The following ANKRD30BL variants were observed in gnomAD, a reference collection of about 807,000 sequenced individuals.
The protein encoded by ANKRD30BL is putative ankyrin repeat domain-containing protein 30B-like.
Under a neutral mutation model 18.4 loss-of-function variants are expected in ANKRD30BL, and 20 were observed. The ratio of observed to expected loss-of-function variants is 1.09; its 90% CI spans 0.77 to 1.58. The LOEUF (loss-of-function observed/expected upper bound fraction) is 1.58, where lower values mean the gene tolerates loss of function less well. ANKRD30BL is among the 40% of genes most tolerant of loss of function. The probability of loss-of-function intolerance (pLI) is 0.00; values close to 1 mark genes in which losing one functional copy is unlikely to be tolerated. For synonymous variants in ANKRD30BL, 72 were observed against 100.9 expected, an observed-to-expected ratio of 0.71 and a Z score of 1.72; for missense variants, 224 against 268.6, an observed-to-expected ratio of 0.83 and a Z score of 1.16.
intron 1 of ANKRD30BL, among the ~76,000 whole-genome samples, chr2:132,170,903 G>T (rs950818208): frequency 5.9e-5 from 9 of 152,112 alleles, no homozygotes; most frequent in African/African-American, 1.9e-4. Flanking sequence ...ACGCCTGTAA[G>T]CCCAGCACTT....
chr2:132,176,729 T>A, intron 1 of ANKRD30BL, among the ~76,000 whole-genome samples: 1 of 152,218 alleles, frequency 6.6e-6, no homozygotes, highest in East Asian at 1.9e-4. Context: ...AGACTGGGGT[T>A]GCAGTGAGTC....
chr2:132,257,290 G>C (rs1358323246), intron 1 of ANKRD30BL, among the ~76,000 whole-genome samples: 3 of 152,288 alleles, frequency 2.0e-5, no homozygotes, highest in East Asian at 3.9e-4. Context: ...GTCGGCACCG[G>C]TCGCTGCTCT....
At chr2:132,255,924 G>C (rs1336541928) in intron 1 of ANKRD30BL, among the ~76,000 whole-genome samples, 3 of 152,056 alleles carry the variant, frequency 2.0e-5, no homozygotes, top group Non-Finnish European at 2.9e-5. Context: ...GGCGGCACCC[G>C]ACCCCCCGGC....
intron 1 of ANKRD30BL, among the ~76,000 whole-genome samples, chr2:132,170,923 G>C (rs908388245): frequency 8.5e-5 from 13 of 152,262 alleles, no homozygotes; most frequent in African/African-American, 2.6e-4. Flanking sequence ...TTGGGAGGCC[G>C]AGGCGGGCGG....
intron 1 of ANKRD30BL, among the ~76,000 whole-genome samples, chr2:132,232,770 T>C (rs1680058862): frequency 6.6e-6 from 1 of 152,126 alleles, no homozygotes; most frequent in Non-Finnish European, 1.5e-5. Context: ...TGCAGGATAT[T>C]ACCCAGGAGA....
intron 1 of ANKRD30BL, among the ~76,000 whole-genome samples, chr2:132,246,095 A>G (rs1317905357): frequency 6.7e-6 from 1 of 150,068 alleles, no homozygotes; most frequent in Non-Finnish European, 1.5e-5. Context: ...ATATTTGGAT[A>G]GATTGACGCT....
At chr2:132,173,567 G>C (rs1051423615) in intron 1 of ANKRD30BL, among the ~76,000 whole-genome samples, 1 of 152,056 alleles carries the variant, frequency 6.6e-6, no homozygotes, top group Non-Finnish European at 1.5e-5. Context: ...AAAGTGCTGG[G>C]ATTACAGGTG....
At chr2:132,200,360 G>C (rs1480239662) in intron 1 of ANKRD30BL, among the ~76,000 whole-genome samples, 2 of 152,090 alleles carry the variant, frequency 1.3e-5, no homozygotes, top group Non-Finnish European at 1.5e-5. Flanking sequence ...AATTGTCCCT[G>C]TTTGCAGATG....
intron 1 of ANKRD30BL, among the ~76,000 whole-genome samples, chr2:132,252,121 G>A (rs895208201): frequency 6.9e-6 from 1 of 145,944 alleles, no homozygotes; most frequent in African/African-American, 2.8e-5. Context: ...TATTAAAACT[G>A]TATTTTTTTT....
chr2:132,203,151 T>C (rs2104749353), intron 1 of ANKRD30BL, among the ~76,000 whole-genome samples: 1 of 152,424 alleles, frequency 6.6e-6, no homozygotes, highest in East Asian at 1.9e-4. Flanking sequence ...GAGGAAAATA[T>C]GTTCTAGACC....
intron 1 of ANKRD30BL, among the ~76,000 whole-genome samples, chr2:132,195,228 T>C (rs116296640): frequency 0.011 from 1,700 of 152,320 alleles, 35 homozygotes; most frequent in African/African-American, 0.038. Context: ...GCACATTTTA[T>C]GGAATATACA....
At chr2:132,194,052 C>G (rs1034412929) in intron 1 of ANKRD30BL, among the ~76,000 whole-genome samples, 4 of 109,586 alleles carry the variant, frequency 3.7e-5, no homozygotes, top group Non-Finnish European at 6.9e-5. Flanking sequence ...CTCTCTCTCT[C>G]TCTCACACAC....
At chr2:132,241,573 C>G (rs1174891038) in intron 1 of ANKRD30BL, among the ~76,000 whole-genome samples, 1 of 151,620 alleles carries the variant, frequency 6.6e-6, no homozygotes, top group Non-Finnish European at 1.5e-5. Context: ...GTGTACTGAA[C>G]TCACCCAGTT....
chr2:132,191,534 A>T (rs537950433), intron 1 of ANKRD30BL, among the ~76,000 whole-genome samples: 3,204 of 152,140 alleles, frequency 0.021, 104 homozygotes, highest in African/African-American at 0.073. Flanking sequence ...GTCCTCTCAA[A>T]CATTCAGAAT....
chr2:132,244,591 C>A (rs138167660), intron 1 of ANKRD30BL, among the ~76,000 whole-genome samples: 330 of 151,402 alleles, frequency 2.2e-3, no homozygotes, highest in Middle Eastern at 3.4e-3. Context: ...AAATATCTTC[C>A]CATAATAACT....
intron 1 of ANKRD30BL, among the ~76,000 whole-genome samples, chr2:132,251,414 C>G (rs1235437343): frequency 6.6e-6 from 1 of 152,120 alleles, no homozygotes; most frequent in Non-Finnish European, 1.5e-5. Flanking sequence ...AGATGCAGAA[C>G]TGTAGCCTCA....
rs569882996 is a variant in ANKRD30BL at position 132,251,536 on chromosome 2, A to C, written n.441+5993T>G. ...CCATCTTTACAATTTTATTTCAATA[A>C]TTTATATAAATGTAATTATACAACA... On this transcript the variant is annotated intron_variant and non_coding_transcript_variant, in intron 1 of 4. Coordinates refer to the ANKRD30BL transcript ENST00000470729. Among the ~76,000 whole-genome samples, 238 of 152,316 alleles carry C rather than the reference A, an allele frequency of 1.6e-3. 1 individual carries two copies. Among genetic ancestry groups the C allele is most frequent in the African/African-American group, 5.4e-3 (224 of 41,574 alleles).
At chr2:132,195,854 A>T (rs1678955874) in intron 1 of ANKRD30BL, among the ~76,000 whole-genome samples, 1 of 151,438 alleles carries the variant, frequency 6.6e-6, no homozygotes, top group African/African-American at 2.4e-5. Context: ...TAAAAATAAA[A>T]ACAGACGTCG....
In ANKRD30BL at chr2:132,235,943, G is replaced by A. The variant is rs199826707; in HGVS notation, n.441+21586C>T. Among the ~76,000 whole-genome samples, 275 of 152,040 alleles carry A rather than the reference G, an allele frequency of 1.8e-3. 2 individuals are homozygous for A. The highest frequency in any genetic ancestry group is 6.2e-3 in the South Asian group (30 of 4,814). ...ACACTACCTGACTTCAAACTATACT[G>A]CAAAGCTACAGTAACCAAAACAGCA... On this transcript the variant is annotated intron_variant and non_coding_transcript_variant, in intron 1 of 4. Coordinates refer to the ANKRD30BL transcript ENST00000470729.
Sources: allele counts gnomAD v4.1 joint callset (sites outside exome capture counted in the v4.1 genomes callset), GRCh38; gene constraint gnomAD v4.1.1; transcripts MANE v1.5; gene names NCBI Gene and HGNC (gene_info 2026-07-23, HGNC 2026-07-21).